The following CDIP1 variants were observed in gnomAD, a reference collection of about 807,000 sequenced individuals.
The protein encoded by CDIP1 is cell death inducing p53 target 1, also known as cell death-inducing p53-target protein 1.
Under a neutral mutation model 17.7 loss-of-function variants are expected in CDIP1, and 9 were observed. That is an observed-to-expected ratio of 0.51 (90% CI 0.31 to 0.89). The LOEUF (loss-of-function observed/expected upper bound fraction) is 0.89. CDIP1 is among the 40% of genes least tolerant of loss of function. The pLI, the probability that CDIP1 is intolerant of heterozygous loss-of-function variation, is 0.05. For missense variants in CDIP1, 263 were observed against 277.9 expected, an observed-to-expected ratio of 0.95 and a Z score of 0.38; for synonymous variants, 117 against 109.5, an observed-to-expected ratio of 1.07 and a Z score of -0.43.
chr16:4,512,605 T>C lies in CDIP1; in HGVS notation c.594A>G (p.Lys198=). ...KDVTHTCPSC[K]AYIYTYKRLC Reference sequence around the variant, plus strand: ...GGCGCTTGTACGTGTAGATGTAGGCTTTGCAGCTGGGGCATGTGTGCGTCA... The same window carrying C: ...GGCGCTTGTACGTGTAGATGTAGGCCTTGCAGCTGGGGCATGTGTGCGTCA... Residue 198 remains lysine, a synonymous_variant, in exon 6 of 6, where the codon AAA becomes AAG. Transcript: ENST00000567695. This position sits in a 1 kb window ranked among gnomAD's most constrained non-coding sequence, Gnocchi z 4.6. The C allele has an allele frequency of 6.2e-7, 1 of 1,613,626 alleles. No homozygotes were observed. Among genetic ancestry groups the C allele is most frequent in the South Asian group, 1.1e-5 (1 of 91,054 alleles).
At chr16:4,516,023 C>T (rs1299027072) in intron 1 of CDIP1, among the ~76,000 whole-genome samples, 2 of 152,278 alleles carry the variant, frequency 1.3e-5, no homozygotes, top group East Asian at 3.9e-4. Context: ...GTGGAAACAA[C>T]CCAAATGTCC....
In CDIP1 at chr16:4,514,116, A is replaced by G; in HGVS notation, c.15T>C (p.Pro5=). MSSE[P]PPPYPGGPTA... is the part of the protein sequence containing the mutation. The stretch of plus-strand genomic sequence containing the variant: ...TGGGGCCCCCAGGATAAGGAGGGGG[A>G]GGCTCGCTGGACATCTTCGCTGCTT... The change falls in exon 3 of 6, where the codon CCT becomes CCC. Residue 5 remains proline, a synonymous_variant. Coordinates refer to ENST00000567695, the MANE Select transcript of CDIP1 (RefSeq NM_013399.3). The surrounding 1 kb of genome is among the most constrained non-coding windows in gnomAD (Gnocchi z 5.2). 2.6e-6 allele frequency: 4 copies of G among 1,544,330 alleles called. No homozygotes were observed. The highest frequency in any genetic ancestry group is 2.4e-5 in the Admixed American group (1 of 42,474).
chr16:4,525,552 CCT>C (rs1219954544), intron 1 of CDIP1, among the ~76,000 whole-genome samples: 1 of 152,234 alleles, frequency 6.6e-6, no homozygotes, highest in Non-Finnish European at 1.5e-5. Flanking sequence ...TCTCCACTCC[CCT>C]CTCCACCATG....
intron 1 of CDIP1, among the ~76,000 whole-genome samples, chr16:4,523,455 A>T (rs1225387356): frequency 1.3e-5 from 2 of 152,146 alleles, no homozygotes; most frequent in Non-Finnish European, 2.9e-5. Flanking sequence ...CGGAGGTTGT[A>T]GTGAGCCAAG....
chr16:4,534,112 G>A (rs2059082099), intron 1 of CDIP1, among the ~76,000 whole-genome samples: 1 of 151,984 alleles, frequency 6.6e-6, no homozygotes. Flanking sequence ...CCCCACACCT[G>A]GTTAATTTTT....
At chr16:4,527,394 T>C (rs752942324) in intron 1 of CDIP1, among the ~76,000 whole-genome samples, 2 of 152,112 alleles carry the variant, frequency 1.3e-5, no homozygotes, top group Non-Finnish European at 2.9e-5. Flanking sequence ...GTGACACTGT[T>C]GCTCTTAAGC....
At position 4,516,811 on chromosome 16, in the gene CDIP1, G is replaced by A. The variant is rs928038066; in HGVS notation, c.-104-2147C>T. Among the ~76,000 whole-genome samples the A allele has an allele frequency of 1.2e-4, 17 of 145,564 alleles. No individual in the cohort carries two copies. The East Asian group carries it at 3.3e-3, about 29-fold the overall frequency. ...CAACGTCTGCCTCCCGGGTCCCAGC[G>A]ATTCTCCTGCCTCAGCCTCCCAAGT... On this transcript the variant is annotated intron_variant, in intron 1 of 5. Coordinates refer to ENST00000567695, the MANE Select transcript of CDIP1 (RefSeq NM_013399.3).
chr16:4,526,278 G>A (rs1596492756), intron 1 of CDIP1, among the ~76,000 whole-genome samples: 3 of 152,116 alleles, frequency 2.0e-5, no homozygotes, highest in African/African-American at 4.8e-5. Flanking sequence ...GATGGCATCC[G>A]CCTGTAATCC....
intron 1 of CDIP1, among the ~76,000 whole-genome samples, chr16:4,537,814 T>C (rs1168450181): frequency 6.6e-6 from 1 of 152,206 alleles, no homozygotes; most frequent in Non-Finnish European, 1.5e-5. Context: ...CTAACACCTG[T>C]TGAGAAGCCC....
intron 1 of CDIP1, among the ~76,000 whole-genome samples, chr16:4,526,336 C>T (rs1420669070): frequency 2.0e-5 from 3 of 151,136 alleles, no homozygotes; most frequent in African/African-American, 7.3e-5. Flanking sequence ...ACCCAGGAGG[C>T]GGAGGTTGCA....
rs150286574 is a variant in CDIP1, at chr16:4,513,343, GTC to G, written c.242-281_242-280del. ...CATGGCCCGGTCCCTCTGCTCCTCT[GTC>G]TGTCTCCAGCATGCAAGGACAGGGC... On this transcript the variant is annotated intron_variant, in intron 4 of 5. Transcript: ENST00000567695. This position sits in a 1 kb window ranked among gnomAD's most constrained non-coding sequence, Gnocchi z 4.1. Among the ~76,000 whole-genome samples, 1,633 of 152,184 alleles carry G rather than the reference GTC, an allele frequency of 0.011. 33 individuals are homozygous for G. Among genetic ancestry groups the G allele is most frequent in the African/African-American group, 0.037 (1,555 of 41,516 alleles).
rs1308012090 is a variant in CDIP1, at chr16:4,515,369, G to A, written c.-104-705C>T. On this transcript the variant is annotated intron_variant, in intron 1 of 5. Transcript: ENST00000567695. ...GAAAACTGAAAGAGATCAAAAAGCTGTTAGAAGAAAATGCAGGCATCAATC... is the reference window on the plus strand; with the variant it reads ...GAAAACTGAAAGAGATCAAAAAGCTATTAGAAGAAAATGCAGGCATCAATC... Among the ~76,000 whole-genome samples, 3 of 152,182 alleles carry A rather than the reference G, an allele frequency of 2.0e-5. No individual in the cohort carries two copies. The East Asian group carries it at 5.8e-4, about 29-fold the overall frequency.
chr16:4,535,069 T>C (rs1034824403), intron 1 of CDIP1, among the ~76,000 whole-genome samples: 3 of 152,144 alleles, frequency 2.0e-5, no homozygotes, highest in Non-Finnish European at 2.9e-5. Context: ...CCTGAAGTAA[T>C]ACGGGTTGAA....
rs572670936 is a variant in CDIP1 at position 4,528,327 on chromosome 16, C to T, written c.-105+10375G>A. 4.6e-5 allele frequency among the ~76,000 whole-genome samples: 7 copies of T among 152,316 alleles called. No homozygotes were observed. In the East Asian group the frequency reaches 1.3e-3, roughly 29 times the overall value. ...CTCCTGAGCTCAAGCTATCCTCCAG[C>T]CTCTGCCTCGCTAAGAGCTGGGATT... On this transcript the variant is annotated intron_variant, in intron 1 of 5. Coordinates refer to ENST00000567695, the MANE Select transcript of CDIP1 (RefSeq NM_013399.3).
chr16:4,513,732 G>T lies in CDIP1; in HGVS notation c.205C>A (p.Pro69Thr), dbSNP rs2141627811. Reference sequence around the variant, plus strand: ...TAGGTGCCATCTGCACTCATGTGTGGTGGGATGAAGCCAGGCTGGGGCATT... The same window carrying T: ...TAGGTGCCATCTGCACTCATGTGTGTTGGGATGAAGCCAGGCTGGGGCATT... ...HPMPQPGFIP[P>T]HMSADGTYMP... Residue 69 changes from proline to threonine, a missense_variant, in exon 4 of 6, where the codon CCA becomes ACA. By Grantham distance (38) the Pro-to-Thr change is conservative (BLOSUM62 -1). Coordinates refer to ENST00000567695, the MANE Select transcript of CDIP1 (RefSeq NM_013399.3). The surrounding 1 kb of genome is among the most constrained non-coding windows in gnomAD (Gnocchi z 4.1). 6.2e-7 allele frequency: 1 copy of T among 1,613,796 alleles called. No homozygotes were observed. The highest frequency in any genetic ancestry group is 8.5e-7 in the Non-Finnish European group (1 of 1,179,824).
At chr16:4,519,980 AACACAAATAGACTAAG>A (rs1023028291) in intron 1 of CDIP1, among the ~76,000 whole-genome samples, 3 of 152,166 alleles carry the variant, frequency 2.0e-5, no homozygotes, top group African/African-American at 7.2e-5. Flanking sequence ...AATTTATAGC[AACACAAATAGACTAAG>A]ACACCAGCCT....
At chr16:4,536,548 T>C (rs2059107817) in intron 1 of CDIP1, 1 of 152,176 alleles carries the variant, frequency 6.6e-6, no homozygotes, top group Non-Finnish European at 1.5e-5. Context: ...TAGCTCCTTC[T>C]CAAAACAATT....
chr16:4,526,723 T>C (rs2059005034), intron 1 of CDIP1, among the ~76,000 whole-genome samples: 1 of 147,896 alleles, frequency 6.8e-6, no homozygotes, highest in South Asian at 2.1e-4. Flanking sequence ...TAAATAAAAA[T>C]AAAATAAAAA....
At chr16:4,519,711 G>C (rs1401830782) in intron 1 of CDIP1, among the ~76,000 whole-genome samples, 6 of 152,158 alleles carry the variant, frequency 3.9e-5, no homozygotes, top group African/African-American at 1.4e-4. Context: ...CTGGGGTGGA[G>C]GAGAAGCGAG....
Sources: allele counts gnomAD v4.1 joint callset (sites outside exome capture counted in the v4.1 genomes callset), GRCh38; gene constraint gnomAD v4.1.1; non-coding constraint Gnocchi (gnomAD v3.1); transcripts MANE v1.5; gene names NCBI Gene and HGNC (gene_info 2026-07-23, HGNC 2026-07-21).